The following TMEM245 variants were observed in gnomAD, a reference collection of about 807,000 sequenced individuals.
TMEM245 encodes the protein transmembrane protein 245.
TMEM245 carries 69 observed loss-of-function variants against 101.2 expected under a neutral mutation model. The ratio of observed to expected loss-of-function variants is 0.68; its 90% confidence interval spans 0.56 to 0.83. The LOEUF is 0.83. Ranked by LOEUF, TMEM245 falls within the 40% of genes least tolerant of loss-of-function variation. The pLI is 0.00. For synonymous variants in TMEM245, 537 were observed against 449.8 expected, an observed-to-expected ratio of 1.19 and a Z score of -2.45; for missense variants, 1,075 against 1,092.8, an observed-to-expected ratio of 0.98 and a Z score of 0.23.
rs192572759 is a variant in TMEM245 at position 109,097,989 on chromosome 9, T to C, written c.800-4398A>G. 3.9e-5 allele frequency among the ~76,000 whole-genome samples: 6 copies of C among 152,290 alleles called. No homozygotes were observed. The East Asian group carries it at 1.2e-3, about 29-fold the overall frequency. ...AGTACTCAATAAATGTTAGCTATCA[T>C]CATCATCAATATCAATCTGTTGGCT... On this transcript the variant is annotated intron_variant, in intron 3 of 17. Transcript: ENST00000374586.
chr9:109,050,174 CATCACGAGTTTAGCACTGAATGTT>C, intron 14 of TMEM245, 85 bp downstream of exon 14: 1 of 1,225,706 alleles, frequency 8.2e-7, no homozygotes, highest in Non-Finnish European at 1.1e-6. Context: ...TACCAGAGTC[CATCACGAGTTTAGCACTGAATGTT>C]ATCAGGATGC....
At chr9:109,050,804 G>A in intron 12 of TMEM245, 112 bp from the exon 13 acceptor site, 37 of 1,097,200 alleles carry the variant, frequency 3.4e-5, no homozygotes, top group South Asian at 1.1e-4. Flanking sequence ...GAAAAGCTAA[G>A]AACTGAGGAT....
At chr9:109,110,128 G>A (rs921435975) in intron 1 of TMEM245, among the ~76,000 whole-genome samples, 2 of 152,140 alleles carry the variant, frequency 1.3e-5, no homozygotes, top group Non-Finnish European at 2.9e-5. Context: ...GACTACAGCT[G>A]CTTCAAAAAG....
At chr9:109,094,330 G>A (rs1304831845) in intron 3 of TMEM245, among the ~76,000 whole-genome samples, 1 of 152,150 alleles carries the variant, frequency 6.6e-6, no homozygotes, top group Non-Finnish European at 1.5e-5. Context: ...CTAGACTGGA[G>A]AGCTAAAAAA....
At chr9:109,092,669 G>T (rs990234200) in intron 4 of TMEM245, among the ~76,000 whole-genome samples, 1 of 152,202 alleles carries the variant, frequency 6.6e-6, no homozygotes, top group Non-Finnish European at 1.5e-5. Flanking sequence ...TCTAAAGTCA[G>T]TTCTTCAAGG....
At chr9:109,025,838 G>T (rs1344735413) in intron 17 of TMEM245, among the ~76,000 whole-genome samples, 1 of 152,226 alleles carries the variant, frequency 6.6e-6, no homozygotes, top group Non-Finnish European at 1.5e-5. Context: ...GGCCAAAATA[G>T]TTGGGAGCCC....
chr9:109,103,545 C>T (rs181837316), intron 3 of TMEM245, among the ~76,000 whole-genome samples: 41 of 151,708 alleles, frequency 2.7e-4, no homozygotes, highest in African/African-American at 8.9e-4. Flanking sequence ...AGTACTATTC[C>T]GCCAAAAAAA....
Position 109,087,332 on chromosome 9 carries a change from G to C in TMEM245, c.1161C>G (p.Leu387=). The stretch of plus-strand genomic sequence containing the variant: ...CTCCAAAGTGAATGACAAGCTTTTT[G>C]AGTATCCAGACTAAAAAAAGACAAA... ...LLPVPIAVWI[L]KKLVIHFGVV... is the part of the protein sequence containing the mutation. Residue 387 remains leucine, a synonymous_variant, in exon 6 of 18, where the codon CTC becomes CTG. Coordinates refer to ENST00000374586, the MANE Select transcript of TMEM245 (RefSeq NM_032012.4). 1.3e-6 allele frequency: 2 copies of C among 1,597,876 alleles called. No homozygotes were observed. Among genetic ancestry groups the C allele is most frequent in the Non-Finnish European group, 1.7e-6 (2 of 1,174,692 alleles).
intron 3 of TMEM245, among the ~76,000 whole-genome samples, chr9:109,104,976 A>G (rs1297959408): frequency 1.3e-5 from 2 of 152,252 alleles, no homozygotes; most frequent in Non-Finnish European, 2.9e-5. Flanking sequence ...GATGACATCA[A>G]AAACACAAGC....
chr9:109,041,453 ATTTT>A (rs1193341550), intron 14 of TMEM245, among the ~76,000 whole-genome samples: 53 of 83,252 alleles, frequency 6.4e-4, no homozygotes, highest in Middle Eastern at 9.1e-3. Context: ...CATCCTACAA[ATTTT>A]TTTTTTTTTT....
chr9:109,093,277 C>T (rs1205860452), intron 4 of TMEM245, among the ~76,000 whole-genome samples, 198 bp downstream of exon 4: 1 of 151,716 alleles, frequency 6.6e-6, no homozygotes, highest in East Asian at 1.9e-4. Context: ...CAAGAAGTTA[C>T]ATAATTACAT....
Position 109,093,532 on chromosome 9 carries a change from T to C in TMEM245, c.859A>G (p.Ile287Val). The change falls in exon 4 of 18, where the codon ATC becomes GTC. Residue 287 changes from isoleucine (I) to valine (V), a missense_variant. Ile to Val is a conservative substitution (Grantham distance 29, BLOSUM62 3). Around this residue, in one of 2 missense-constraint regions of TMEM245, gnomAD observed 808 missense variants for 741.5 expected, o/e 1.09. Transcript: ENST00000374586. ...CTTGATTCATACCCTGTGATAGAGA[T>C]GGCCAAGTTTGCCAGAGTAGAAGCT... ...MAASTLANLA[I>V]SITGYESSSE... is the part of the protein sequence containing the mutation. 1.2e-6 allele frequency: 2 copies of C among 1,614,152 alleles called. No individual in the cohort carries two copies. Among genetic ancestry groups the C allele is most frequent in the South Asian group, 1.1e-5 (1 of 91,078 alleles).
intron 12 of TMEM245, among the ~76,000 whole-genome samples, chr9:109,054,208 G>A (rs961222829): frequency 1.3e-5 from 2 of 152,268 alleles, no homozygotes; most frequent in African/African-American, 4.8e-5. Context: ...GTGTATGCCT[G>A]TAGTCCCAGC....
At chr9:109,104,316 C>T (rs1564208677) in intron 3 of TMEM245, among the ~76,000 whole-genome samples, 1 of 150,848 alleles carries the variant, frequency 6.6e-6, no homozygotes, top group Admixed American at 6.6e-5. Context: ...ATATATACAC[C>T]TACTATGTAG....
intron 7 of TMEM245, 73 bp downstream of exon 7, chr9:109,085,924 A>G (rs1245468894): frequency 6.6e-7 from 1 of 1,507,922 alleles, no homozygotes; most frequent in Admixed American, 1.7e-5. Flanking sequence ...GGACAGAAAC[A>G]TAGAGTGAAA....
chr9:109,083,913 A>AAAAAAAAAAAAAAAAAAAAC, intron 7 of TMEM245, among the ~76,000 whole-genome samples: 1 of 136,320 alleles, frequency 7.3e-6, no homozygotes, highest in Non-Finnish European at 1.5e-5. Context: ...AAAAAAAAAA[A>AAAAAAAAAAAAAAAAAAAAC]AAAAAAAAAA....
intron 11 of TMEM245, among the ~76,000 whole-genome samples, chr9:109,059,691 T>A (rs779680815): frequency 4.7e-4 from 72 of 151,774 alleles, no homozygotes; most frequent in Admixed American, 4.6e-4. Flanking sequence ...TCTCAAAAAA[T>A]AAATAAATAA....
At chr9:109,096,539 C>T (rs906591823) in intron 3 of TMEM245, among the ~76,000 whole-genome samples, 1 of 152,004 alleles carries the variant, frequency 6.6e-6, no homozygotes, top group African/African-American at 2.4e-5. Flanking sequence ...CACAAACAAA[C>T]TGACCTACAC....
intron 11 of TMEM245, among the ~76,000 whole-genome samples, chr9:109,058,139 T>A (rs886361442): frequency 6.6e-6 from 1 of 151,538 alleles, no homozygotes; most frequent in Non-Finnish European, 1.5e-5. Context: ...TAGCTGTGAC[T>A]ACGGGCGCCT....
Sources: allele counts gnomAD v4.1 joint callset (sites outside exome capture counted in the v4.1 genomes callset), GRCh38; gene constraint gnomAD v4.1.1; regional missense constraint gnomAD v4.1.1; transcripts MANE v1.5; gene names NCBI Gene and HGNC (gene_info 2026-07-23, HGNC 2026-07-21).